Variants in VAV3 observed in about 807,000 individuals in gnomAD.
The protein encoded by VAV3 is vav guanine nucleotide exchange factor 3.
A neutral mutation model predicts 131.2 loss-of-function variants in VAV3; 94 were observed. That is an observed-to-expected ratio of 0.72 (90% CI 0.61 to 0.85). VAV3 has a LOEUF of 0.85. VAV3 is among the 40% of genes least tolerant of loss of function. The probability of loss-of-function intolerance (pLI) is 0.00; values close to 1 mark genes in which losing one functional copy is unlikely to be tolerated. For synonymous variants in VAV3, 349 were observed against 342.0 expected, an observed-to-expected ratio of 1.02 and a Z score of -0.22; for missense variants, 939 against 1,002.7, an observed-to-expected ratio of 0.94 and a Z score of 0.86.
At chr1:107,877,588 AC>A (rs1670564480) in intron 1 of VAV3, among the ~76,000 whole-genome samples, 1 of 152,236 alleles carries the variant, frequency 6.6e-6, no homozygotes, top group African/African-American at 2.4e-5. Context: ...TCTTAAACTT[AC>A]TTGTCCCTTA....
chr1:107,862,340 A>G (rs1403922551), intron 2 of VAV3, among the ~76,000 whole-genome samples: 2 of 151,208 alleles, frequency 1.3e-5, no homozygotes, highest in Non-Finnish European at 3.0e-5. Context: ...CCACCCCCAC[A>G]CTACCCCTCT....
intron 2 of VAV3, among the ~76,000 whole-genome samples, chr1:107,862,438 A>G (rs1325371214): frequency 6.6e-6 from 1 of 151,492 alleles, no homozygotes. Context: ...GAAAATAAAC[A>G]TGGAAAGTGC....
At chr1:107,882,101 G>C (rs937898205) in intron 1 of VAV3, among the ~76,000 whole-genome samples, 1 of 152,138 alleles carries the variant, frequency 6.6e-6, no homozygotes, top group African/African-American at 2.4e-5. Flanking sequence ...GGTGTTAACT[G>C]AGGCAATGGA....
rs1299877176 is a variant in VAV3, at chr1:107,868,482, T to C, written c.321+6419A>G. 2.0e-5 allele frequency among the ~76,000 whole-genome samples: 3 copies of C among 152,070 alleles called. No individual in the cohort carries two copies. In the East Asian group the frequency reaches 5.8e-4, roughly 29 times the overall value. ...AAAGCCAGGCAGAATTTCACAAAGA[T>C]AGACAGGTAGTAGTAAACCATTGCA... On this transcript the variant is annotated intron_variant, in intron 2 of 26. Coordinates refer to ENST00000370056, the MANE Select transcript of VAV3 (RefSeq NM_006113.5).
intron 1 of VAV3, chr1:107,963,489 T>G (rs969440440): frequency 6.6e-6 from 1 of 152,218 alleles, no homozygotes; most frequent in African/African-American, 2.4e-5. Flanking sequence ...CACCAGCAGG[T>G]TGAAGGCAAA....
chr1:107,579,968 C>T (rs1397512197), intron 25 of VAV3, among the ~76,000 whole-genome samples: 1 of 152,200 alleles, frequency 6.6e-6, no homozygotes, highest in Non-Finnish European at 1.5e-5. Context: ...AGCCCAGACC[C>T]CTCCCAGGAG....
intron 9 of VAV3, among the ~76,000 whole-genome samples, chr1:107,764,146 C>A (rs1338302352): frequency 6.6e-6 from 1 of 151,818 alleles, no homozygotes; most frequent in Non-Finnish European, 1.5e-5. Flanking sequence ...ACGACTTAAC[C>A]TAGGTTTCTA....
At chr1:107,906,790 G>A (rs1178912423) in intron 1 of VAV3, among the ~76,000 whole-genome samples, 2 of 152,140 alleles carry the variant, frequency 1.3e-5, no homozygotes, top group African/African-American at 2.4e-5. Flanking sequence ...ATGAAAAAGG[G>A]AGAAAAGCAG....
At chr1:107,951,040 A>G (rs1296690129) in intron 1 of VAV3, among the ~76,000 whole-genome samples, 1 of 152,190 alleles carries the variant, frequency 6.6e-6, no homozygotes, top group Non-Finnish European at 1.5e-5. Context: ...AGGTACTTCA[A>G]TGTCTTTCCT....
At chr1:107,956,008 T>C (rs961380389) in intron 1 of VAV3, among the ~76,000 whole-genome samples, 1 of 152,212 alleles carries the variant, frequency 6.6e-6, no homozygotes, top group African/African-American at 2.4e-5. Context: ...AACAACGGCA[T>C]ACATGCATGC....
At chr1:107,770,305 T>C (rs1474050143) in intron 6 of VAV3, among the ~76,000 whole-genome samples, 2 of 152,092 alleles carry the variant, frequency 1.3e-5, no homozygotes, top group East Asian at 3.9e-4. Flanking sequence ...CTCTCTATCT[T>C]ATGCCCCTGC....
intron 19 of VAV3, among the ~76,000 whole-genome samples, chr1:107,672,425 A>C (rs1657886069): frequency 6.6e-6 from 1 of 152,032 alleles, no homozygotes; most frequent in South Asian, 2.1e-4. Flanking sequence ...CTTAAAAATA[A>C]GTTAAATGGC....
intron 1 of VAV3, among the ~76,000 whole-genome samples, chr1:107,879,566 C>T (rs1670665531): frequency 6.6e-6 from 1 of 151,360 alleles, no homozygotes; most frequent in South Asian, 2.1e-4. Flanking sequence ...TTTTTTTTCC[C>T]AGTCTATTCA....
At chr1:107,642,793 CAAT>C in intron 19 of VAV3, 38 bp from the exon 20 acceptor site, 2 of 1,611,750 alleles carry the variant, frequency 1.2e-6, no homozygotes. Context: ...ATTGAGAAAA[CAAT>C]GATGCATGAA....
intron 1 of VAV3, among the ~76,000 whole-genome samples, chr1:107,917,742 A>T (rs977908738): frequency 6.6e-6 from 1 of 152,204 alleles, no homozygotes; most frequent in Admixed American, 6.5e-5. Flanking sequence ...TTAGGCCAGA[A>T]ATGTTTCAAA....
At chr1:107,643,939 T>G (rs1430267620) in intron 19 of VAV3, among the ~76,000 whole-genome samples, 1 of 152,126 alleles carries the variant, frequency 6.6e-6, no homozygotes, top group African/African-American at 2.4e-5. Flanking sequence ...GTTTAGCTGC[T>G]GGGACTGCTG....
At chr1:107,947,769 A>G (rs1275335184) in intron 1 of VAV3, among the ~76,000 whole-genome samples, 1 of 152,214 alleles carries the variant, frequency 6.6e-6, no homozygotes, top group African/African-American at 2.4e-5. Flanking sequence ...GGATTAAAAA[A>G]TATCTAGCAT....
chr1:107,862,353 C>T (rs1669778879), intron 2 of VAV3, among the ~76,000 whole-genome samples: 1 of 151,428 alleles, frequency 6.6e-6, no homozygotes, highest in African/African-American at 2.4e-5. Flanking sequence ...ACCCCTCTCA[C>T]TGAGCATGGG....
intron 1 of VAV3, among the ~76,000 whole-genome samples, chr1:107,937,498 A>AT (rs1673778883): frequency 6.6e-6 from 1 of 152,218 alleles, no homozygotes; most frequent in African/African-American, 2.4e-5. Context: ...AACTTACACC[A>AT]TTGGTATCCT....
Sources: gnomAD v4.1 joint callset for allele counts (sites outside exome capture counted in the v4.1 genomes callset) on GRCh38, gnomAD v4.1.1 for gene constraint, MANE v1.5 for transcripts, NCBI Gene and HGNC (gene_info 2026-07-23, HGNC 2026-07-21) for gene names.